PTPN4: variants seen among roughly 807,000 people sequenced by gnomAD.
PTPN4 encodes the protein tyrosine-protein phosphatase non-receptor type 4.
A neutral mutation model predicts 135.5 loss-of-function variants in PTPN4; 49 were observed. That is an observed-to-expected ratio of 0.36 (90% confidence interval 0.29 to 0.46). The LOEUF (loss-of-function observed/expected upper bound fraction) is 0.46. PTPN4 is among the 20% of genes least tolerant of loss of function. The pLI, the probability that PTPN4 is intolerant of heterozygous loss-of-function variation, is 1.00. For synonymous variants in PTPN4, 333 were observed against 369.9 expected, an observed-to-expected ratio of 0.90 and a Z score of 1.14; for missense variants, 860 against 1,101.0, an observed-to-expected ratio of 0.78 and a Z score of 3.10.
intron 15 of PTPN4, among the ~76,000 whole-genome samples, chr2:119,940,953 A>C (rs1679053625): frequency 6.6e-6 from 1 of 152,034 alleles, no homozygotes; most frequent in African/African-American, 2.4e-5. Context: ...CCTTCCTTAA[A>C]GCCAGTAAAT....
chr2:119,898,502 T>A (rs1191379545), intron 9 of PTPN4, among the ~76,000 whole-genome samples: 1 of 152,042 alleles, frequency 6.6e-6, no homozygotes, highest in African/African-American at 2.4e-5. Flanking sequence ...AGGGAGCCAT[T>A]CATGCTGCAA....
chr2:119,970,399 C>T (rs1370054124), intron 26 of PTPN4, among the ~76,000 whole-genome samples: 2 of 152,010 alleles, frequency 1.3e-5, no homozygotes, highest in African/African-American at 4.8e-5. Flanking sequence ...GCCACCACCC[C>T]ACCCCAAAAA....
At position 119,979,658 on chromosome 2, in the gene PTPN4, T is replaced by C. The variant is rs1424701501; in HGVS notation, c.*2588T>C. Reference sequence around the variant, plus strand: ...ATAGGTTTCTAGAAATAATCCTAGCTTTCATACACCATGTAGTTCTAGACT... The same window carrying C: ...ATAGGTTTCTAGAAATAATCCTAGCCTTCATACACCATGTAGTTCTAGACT... On this transcript the variant is annotated 3_prime_UTR_variant, in exon 27 of 27. Coordinates refer to ENST00000263708, the MANE Select transcript of PTPN4 (RefSeq NM_002830.4). The C allele has an allele frequency of 6.6e-6, 1 of 152,136 alleles. No individual in the cohort carries two copies. The highest frequency in any genetic ancestry group is 1.5e-5 in the Non-Finnish European group (1 of 67,976). 9.4% of individuals were successfully genotyped at this position (152,136 alleles called of 1,614,324 possible).
chr2:119,901,341 G>A (rs1449828240), intron 10 of PTPN4, among the ~76,000 whole-genome samples: 1 of 152,148 alleles, frequency 6.6e-6, no homozygotes, highest in Non-Finnish European at 1.5e-5. Flanking sequence ...AATAATAACA[G>A]GGAATCACAA....
chr2:119,972,427 C>A lies in PTPN4; in HGVS notation c.2694+4455C>A, dbSNP rs577421100. On this transcript the variant is annotated intron_variant, in intron 26 of 26. Transcript: ENST00000263708. ...TAAATGGAATTGTTTCCTTTATTAA[C>A]CAATAGTTTTGTGTGTGAGAGAGTG... 4.6e-5 allele frequency among the ~76,000 whole-genome samples: 7 copies of A among 152,114 alleles called. No homozygotes were observed. In the South Asian group the frequency reaches 1.5e-3, roughly 32 times the overall value.
chr2:119,772,299 C>T (rs538599063), intron 1 of PTPN4, among the ~76,000 whole-genome samples: 6 of 152,288 alleles, frequency 3.9e-5, no homozygotes, highest in Admixed American at 3.9e-4. Context: ...GATACTGTGA[C>T]TCATTTTGTA....
chr2:119,779,711 A>G (rs752104400), intron 1 of PTPN4, among the ~76,000 whole-genome samples: 6 of 151,726 alleles, frequency 4.0e-5, no homozygotes. Context: ...TTGTGTATGC[A>G]TTTGTTAAGT....
intron 26 of PTPN4, among the ~76,000 whole-genome samples, chr2:119,976,431 C>CT (rs1264382229): frequency 2.0e-5 from 3 of 151,716 alleles, no homozygotes; most frequent in East Asian, 1.9e-4. Context: ...ACCTACCTTG[C>CT]TTTTTTTACT....
At chr2:119,885,537 A>G (rs1488633392) in intron 8 of PTPN4, among the ~76,000 whole-genome samples, 2 of 152,186 alleles carry the variant, frequency 1.3e-5, no homozygotes, top group Admixed American at 6.5e-5. Context: ...TGTTACAGTC[A>G]CCCATATAAA....
chr2:119,916,054 G>A (rs555216288), intron 11 of PTPN4: 1 of 151,868 alleles, frequency 6.6e-6, no homozygotes, highest in African/African-American at 2.4e-5. Flanking sequence ...AAAAAAATTG[G>A]CCAGGTGTGA....
intron 2 of PTPN4, among the ~76,000 whole-genome samples, chr2:119,832,735 C>T (rs978297680): frequency 3.3e-5 from 5 of 151,798 alleles, no homozygotes; most frequent in African/African-American, 7.3e-5. Flanking sequence ...CCATGAAATT[C>T]TTGTACCTTT....
intron 22 of PTPN4, 70 bp from the exon 23 acceptor site, chr2:119,960,737 G>A (rs1409328308): frequency 2.8e-5 from 42 of 1,497,510 alleles, no homozygotes; most frequent in Non-Finnish European, 3.2e-5. Context: ...GTTAGTGGAT[G>A]ATTTTCCTAT....
intron 2 of PTPN4, among the ~76,000 whole-genome samples, chr2:119,820,646 C>T (rs1006694049): frequency 6.6e-6 from 1 of 152,138 alleles, no homozygotes; most frequent in Non-Finnish European, 1.5e-5. Context: ...TCTTTGAACC[C>T]ACCATTCATA....
intron 12 of PTPN4, among the ~76,000 whole-genome samples, chr2:119,922,836 C>A (rs1205468940): frequency 6.6e-6 from 1 of 152,154 alleles, no homozygotes; most frequent in Non-Finnish European, 1.5e-5. Flanking sequence ...CATTCAAATT[C>A]TTTAATAGAT....
intron 22 of PTPN4, among the ~76,000 whole-genome samples, chr2:119,960,332 A>G (rs1341832850): frequency 2.0e-5 from 3 of 152,210 alleles, no homozygotes; most frequent in Admixed American, 1.3e-4. Flanking sequence ...ATACCCTCTA[A>G]AGTTACTTTA....
intron 15 of PTPN4, among the ~76,000 whole-genome samples, chr2:119,935,486 G>T (rs746605616): frequency 9.0e-4 from 137 of 152,132 alleles, no homozygotes; most frequent in Non-Finnish European, 3.1e-4. Flanking sequence ...GAGAGTACAG[G>T]TGTAGGGTCA....
intron 24 of PTPN4, 69 bp from the exon 25 acceptor site, chr2:119,965,428 T>G (rs2105061560): frequency 3.5e-6 from 5 of 1,417,224 alleles, no homozygotes; most frequent in Middle Eastern, 1.8e-4. Context: ...CTGATGAATT[T>G]TATGAGGTTT....
At chr2:119,946,742 T>C in intron 18 of PTPN4, 168 bp downstream of exon 18, 1 of 572,132 alleles carries the variant, frequency 1.7e-6, no homozygotes. Context: ...TTTTGACTTG[T>C]TCTCTGTAAG....
chr2:119,841,094 T>A (rs1677374049), intron 2 of PTPN4, among the ~76,000 whole-genome samples: 1 of 152,130 alleles, frequency 6.6e-6, no homozygotes, highest in South Asian at 2.1e-4. Flanking sequence ...TTAGTTTAAT[T>A]AAATCCCATT....
Sources: allele counts gnomAD v4.1 joint callset (sites outside exome capture counted in the v4.1 genomes callset), GRCh38; gene constraint gnomAD v4.1.1; transcripts MANE v1.5; gene names NCBI Gene and HGNC (gene_info 2026-07-23, HGNC 2026-07-21).